RING1: variants seen among roughly 807,000 people sequenced by gnomAD.
The protein encoded by RING1 is E3 ubiquitin-protein ligase RING1.
A neutral mutation model predicts 35.0 loss-of-function variants in RING1; 8 were observed. The ratio of observed to expected loss-of-function variants is 0.23; its 90% CI spans 0.13 to 0.41. The LOEUF is 0.41. Among genes scored for constraint, RING1 ranks in the 10% least tolerant of loss-of-function variants. The pLI is 1.00. For missense variants in RING1, 343 were observed against 546.8 expected (o/e 0.63, Z 3.72); for synonymous variants, 214 against 224.3 (o/e 0.95, Z 0.41).
intron 4 of RING1, 97 bp downstream of exon 4, chr6:33,210,227 A>G: frequency 1.9e-6 from 2 of 1,074,684 alleles, no homozygotes; most frequent in South Asian, 2.7e-5. Context: ...CTAGGAGCTG[A>G]CCACAGACTG....
chr6:33,211,340 TAGGGAC>T lies in RING1; in HGVS notation c.643_648del (p.Thr215_Gly216del). 6.3e-7 allele frequency: 1 copy of T among 1,582,536 alleles called. No homozygotes were observed. The highest frequency in any genetic ancestry group is 8.6e-7 in the Non-Finnish European group (1 of 1,168,588). ...GGAGGGGGCGCAGGGGGGAGCAGTG[TAGGGAC>T]AGGGGGAGGCGGCACTGGTGGGGTG... On this transcript the variant is annotated inframe_deletion, in exon 5 of 7. Coordinates refer to ENST00000374656, the MANE Select transcript of RING1 (RefSeq NM_002931.4). This position sits in a 1 kb window ranked among gnomAD's most constrained non-coding sequence, Gnocchi z 6.3.
Position 33,209,834 on chromosome 6 carries a change from G to C in RING1, c.239+48G>C. ...GATGAGATGAAGGGGTACAAAGTTA[G>C]GGCCCTCTCACTGGTCTTGGTTCAG... On this transcript the variant is annotated intron_variant, in intron 3 of 6. Coordinates refer to ENST00000374656, the MANE Select transcript of RING1 (RefSeq NM_002931.4). This position sits in a 1 kb window ranked among gnomAD's most constrained non-coding sequence, Gnocchi z 5.1. The C allele has an allele frequency of 6.2e-7, 1 of 1,612,354 alleles. No individual in the cohort carries two copies. Among genetic ancestry groups the C allele is most frequent in the East Asian group, 2.2e-5 (1 of 44,862 alleles).
chr6:33,212,073 G>GT (rs1775582154), intron 6 of RING1, 71 bp downstream of exon 6: 3 of 1,250,638 alleles, frequency 2.4e-6, no homozygotes, highest in Admixed American at 5.1e-5. Flanking sequence ...ATAGAACCAT[G>GT]AGCCTGGTCT....
In RING1 at chr6:33,208,844, C is replaced by A; in HGVS notation, c.22C>A (p.Gln8Lys). ...CACCATGACGACGCCGGCGAATGCC[C>A]AGAATGCCAGCAAAACGTGGGAACT... MTTPANA[Q>K]NASKTWELSL... is the part of the protein sequence containing the mutation. The change falls in exon 2 of 7, where the codon CAG becomes AAG. Residue 8 changes from glutamine (Q) to lysine (K), a missense_variant. By Grantham distance (53) the Gln-to-Lys change is moderately conservative. Around this residue, in one of 2 missense-constraint regions of RING1, gnomAD observed 65 missense variants for 163.3 expected, o/e 0.40. Coordinates refer to ENST00000374656, the MANE Select transcript of RING1 (RefSeq NM_002931.4). This position sits in a 1 kb window ranked among gnomAD's most constrained non-coding sequence, Gnocchi z 6.2. The A allele has an allele frequency of 6.2e-7, 1 of 1,608,698 alleles. No homozygotes were observed. Among genetic ancestry groups the A allele is most frequent in the East Asian group, 2.2e-5 (1 of 44,744 alleles).
In RING1 at chr6:33,209,993, G is replaced by C; in HGVS notation, c.318G>C (p.Leu106=). The change falls in exon 4 of 7, where the codon CTG becomes CTC. Residue 106 remains leucine, a synonymous_variant. Transcript: ENST00000374656. This position sits in a 1 kb window ranked among gnomAD's most constrained non-coding sequence, Gnocchi z 5.1. ...SLRPDPNFDA[L]ISKIYPSREE... is the part of the protein sequence containing the mutation. Reference sequence around the variant, plus strand: ...GGCCAGACCCCAACTTTGATGCCCTGATCTCTAAGATCTATCCTAGCCGGG... The same window carrying C: ...GGCCAGACCCCAACTTTGATGCCCTCATCTCTAAGATCTATCCTAGCCGGG... 1.2e-6 allele frequency: 2 copies of C among 1,614,190 alleles called. No individual in the cohort carries two copies. The highest frequency in any genetic ancestry group is 1.3e-5 in the African/African-American group (1 of 75,058).
At position 33,211,878 on chromosome 6, in the gene RING1, G is replaced by C. The variant is rs931697125; in HGVS notation, c.995G>C (p.Cys332Ser). 1.2e-6 allele frequency: 2 copies of C among 1,603,140 alleles called. No homozygotes were observed. Among genetic ancestry groups the C allele is most frequent in the African/African-American group, 1.3e-5 (1 of 74,610 alleles). Reference protein sequence around the residue: ...GASDTGGPDGCGGEGGGAGGG... With the variant: ...GASDTGGPDGSGGEGGGAGGG... ...TCTGACACCGGAGGACCTGATGGGT[G>C]TGGCGGGGAGGGTGGGGGTGCCGGA... Residue 332 changes from cysteine (C) to serine (S), a missense_variant, in exon 6 of 7, where the codon TGT becomes TCT. Physicochemically the swap from Cys to Ser is moderately radical, Grantham distance 112. Coordinates refer to ENST00000374656, the MANE Select transcript of RING1 (RefSeq NM_002931.4). The surrounding 1 kb of genome is among the most constrained non-coding windows in gnomAD (Gnocchi z 6.3).
In RING1 at chr6:33,210,107, G is replaced by T. The variant is rs1775418689; in HGVS notation, c.432G>T (p.Gly144=). ...QQALSSSIEE[G]LRMQAMHRAQ... is the part of the protein sequence containing the mutation. ...CATTGAGCTCCAGCATTGAGGAGGG[G>T]CTACGCATGCAGGCCATGCACAGGT... The change falls in exon 4 of 7, where the codon GGG becomes GGT. Residue 144 remains glycine (G), a synonymous_variant. Transcript: ENST00000374656. 1.9e-6 allele frequency: 3 copies of T among 1,614,018 alleles called. No individual in the cohort carries two copies. Among genetic ancestry groups the T allele is most frequent in the Non-Finnish European group, 2.5e-6 (3 of 1,180,046 alleles).
Position 33,209,154 on chromosome 6 carries a change from C to G in RING1, c.78+254C>G, listed in dbSNP as rs750781868. On this transcript the variant is annotated intron_variant, in intron 2 of 6. Transcript: ENST00000374656. This position sits in a 1 kb window ranked among gnomAD's most constrained non-coding sequence, Gnocchi z 5.1. ...AAACACAAAAATTACCTTCCCTGTT[C>G]CTCATTCAGTGTCATAAGTCAGTGC... is the stretch of plus-strand genomic sequence containing the variant. The G allele has an allele frequency of 2.9e-6, 2 of 689,688 alleles. No individual in the cohort carries two copies. The highest frequency in any genetic ancestry group is 1.5e-5 in the South Asian group (1 of 66,520). The allele number at this position is 689,688 out of a possible 1,614,324, so 42.7% of individuals were successfully genotyped here. A position where few individuals can be genotyped will look rare whatever the true frequency, so the allele number is the denominator to read the frequency against.
Position 33,212,577 on chromosome 6 carries a change from G to A in RING1, c.*178G>A. 2 of 518,530 alleles carry A rather than the reference G, an allele frequency of 3.9e-6. No individual in the cohort carries two copies. The highest frequency in any genetic ancestry group is 6.0e-5 in the East Asian group (2 of 33,306). The allele number at this position is 518,530 out of a possible 1,614,324, so 32.1% of individuals were successfully genotyped here. On this transcript the variant is annotated 3_prime_UTR_variant, in exon 7 of 7. Coordinates refer to ENST00000374656, the MANE Select transcript of RING1 (RefSeq NM_002931.4). ...ATGAGATTCTTCTATATTGTACAGA[G>A]TGGGGCAAAACACGCCCCCATCTGC... is the stretch of plus-strand genomic sequence containing the variant.
At position 33,208,667 on chromosome 6, in the gene RING1, G is replaced by A. The variant is rs1583452215; in HGVS notation, c.-59+23G>A. On this transcript the variant is annotated intron_variant, in intron 1 of 6. Transcript: ENST00000374656. This position sits in a 1 kb window ranked among gnomAD's most constrained non-coding sequence, Gnocchi z 6.2. ...TGGGTGAGGGGCAGTGCCGGCGCGG[G>A]GGCGGGAGCGGGGGCGGAGAGGGGC... The A allele has an allele frequency of 3.3e-6, 2 of 612,440 alleles. No homozygotes were observed. The highest frequency in any genetic ancestry group is 6.1e-5 in the East Asian group (2 of 33,056). 37.9% of individuals were successfully genotyped at this position (612,440 alleles called of 1,614,324 possible). A position where few individuals can be genotyped will look rare whatever the true frequency, so the allele number is the denominator to read the frequency against.
At position 33,212,565 on chromosome 6, in the gene RING1, A is replaced by G. The variant is rs1229876187; in HGVS notation, c.*166A>G. ...CAAAGTATCTATATGAGATTCTTCT[A>G]TATTGTACAGAGTGGGGCAAAACAC... On this transcript the variant is annotated 3_prime_UTR_variant, in exon 7 of 7. Transcript: ENST00000374656. 8.6e-6 allele frequency: 5 copies of G among 583,452 alleles called. No individual in the cohort carries two copies. The highest frequency in any genetic ancestry group is 1.5e-5 in the Non-Finnish European group (5 of 327,152). 36.1% of individuals were successfully genotyped at this position (583,452 alleles called of 1,614,324 possible).
In RING1 at chr6:33,210,006, T is replaced by C. The variant is rs1775413732; in HGVS notation, c.331T>C (p.Tyr111His). The C allele has an allele frequency of 6.2e-7, 1 of 1,614,198 alleles. No homozygotes were observed. The highest frequency in any genetic ancestry group is 8.5e-7 in the Non-Finnish European group (1 of 1,180,038). Residue 111 changes from tyrosine (Y) to histidine (H), a missense_variant, in exon 4 of 7, where the codon TAT becomes CAT. Tyr to His is a moderately conservative substitution (Grantham distance 83, BLOSUM62 2). Coordinates refer to ENST00000374656, the MANE Select transcript of RING1 (RefSeq NM_002931.4). The part of the protein sequence containing the change: ...PNFDALISKI[Y>H]PSREEYEAHQ... Reference sequence around the variant, plus strand: ...CTTTGATGCCCTGATCTCTAAGATCTATCCTAGCCGGGAGGAATACGAGGC... The same window carrying C: ...CTTTGATGCCCTGATCTCTAAGATCCATCCTAGCCGGGAGGAATACGAGGC...
chr6:33,208,670 C>T lies in RING1; in HGVS notation c.-59+26C>T. On this transcript the variant is annotated intron_variant, in intron 1 of 6. Transcript: ENST00000374656. This position sits in a 1 kb window ranked among gnomAD's most constrained non-coding sequence, Gnocchi z 6.2. Reference sequence around the variant, plus strand: ...GTGAGGGGCAGTGCCGGCGCGGGGGCGGGAGCGGGGGCGGAGAGGGGCGCT... The same window carrying T: ...GTGAGGGGCAGTGCCGGCGCGGGGGTGGGAGCGGGGGCGGAGAGGGGCGCT... 2 of 613,286 alleles carry T rather than the reference C, an allele frequency of 3.3e-6. No individual in the cohort carries two copies. Among genetic ancestry groups the T allele is most frequent in the Non-Finnish European group, 2.7e-6 (1 of 365,078 alleles). The allele number at this position is 613,286 out of a possible 1,614,324, so 38.0% of individuals were successfully genotyped here.
rs1172748528 is a variant in RING1, at chr6:33,212,479, C to G, written c.*80C>G. On this transcript the variant is annotated 3_prime_UTR_variant, in exon 7 of 7. Coordinates refer to ENST00000374656, the MANE Select transcript of RING1 (RefSeq NM_002931.4). ...TCTATCACCCCAGCTTCTTTGTCCC[C>G]CAGTACCCCCAGCCCAGCCAGCCAA... The G allele has an allele frequency of 2.3e-6, 2 of 886,406 alleles. No homozygotes were observed. Among genetic ancestry groups the G allele is most frequent in the Non-Finnish European group, 3.6e-6 (2 of 551,902 alleles). The allele number at this position is 886,406 out of a possible 1,614,324, so 54.9% of individuals were successfully genotyped here.
At chr6:33,212,125 C>A (rs944463109) in intron 6 of RING1, 123 bp downstream of exon 6, 5 of 886,586 alleles carry the variant, frequency 5.6e-6, no homozygotes, top group Non-Finnish European at 8.7e-6. Context: ...CTATCTCTTT[C>A]TATGTCCCCT....
chr6:33,208,885 G>A lies in RING1; in HGVS notation c.63G>A (p.Leu21=). 1 of 1,612,380 alleles carries A rather than the reference G, an allele frequency of 6.2e-7. No individual in the cohort carries two copies. The highest frequency in any genetic ancestry group is 8.5e-7 in the Non-Finnish European group (1 of 1,179,722). ...CGTGGGAACTGAGTCTGTATGAGCT[G>A]CACCGGACCCCGCAGGTGACAGGCA... ...SKTWELSLYE[L]HRTPQEAIMD... The change falls in exon 2 of 7, where the codon CTG becomes CTA. Residue 21 remains leucine (L), a synonymous_variant. Transcript: ENST00000374656. The surrounding 1 kb of genome is among the most constrained non-coding windows in gnomAD (Gnocchi z 6.2).
chr6:33,212,118 T>C (rs940492735), intron 6 of RING1, 116 bp downstream of exon 6: 1 of 900,668 alleles, frequency 1.1e-6, no homozygotes, highest in Admixed American at 2.5e-5. Context: ...ACATCCTCTA[T>C]CTCTTTCTAT....
In RING1 at chr6:33,209,081, C is replaced by A; in HGVS notation, c.78+181C>A. 1.4e-6 allele frequency: 1 copy of A among 710,106 alleles called. No homozygotes were observed. Among genetic ancestry groups the A allele is most frequent in the South Asian group, 1.5e-5 (1 of 66,936 alleles). 44.0% of individuals were successfully genotyped at this position (710,106 alleles called of 1,614,324 possible). A position where few individuals can be genotyped will look rare whatever the true frequency, so the allele number is the denominator to read the frequency against. On this transcript the variant is annotated intron_variant, in intron 2 of 6. Transcript: ENST00000374656. The surrounding 1 kb of genome is among the most constrained non-coding windows in gnomAD (Gnocchi z 5.1). Reference sequence around the variant, plus strand: ...AGCTCATTTAATCCTCAAAACAGCCCTGCCAGAGAGGTGGAACAAGTATTA... The same window carrying A: ...AGCTCATTTAATCCTCAAAACAGCCATGCCAGAGAGGTGGAACAAGTATTA...
At position 33,212,467 on chromosome 6, in the gene RING1, C is replaced by T. The variant is rs1403871670; in HGVS notation, c.*68C>T. 1 of 1,054,560 alleles carries T rather than the reference C, an allele frequency of 9.5e-7. No individual in the cohort carries two copies. The highest frequency in any genetic ancestry group is 1.4e-6 in the Non-Finnish European group (1 of 700,350). The allele number at this position is 1,054,560 out of a possible 1,614,324, so 65.3% of individuals were successfully genotyped here. A position where few individuals can be genotyped will look rare whatever the true frequency, so the allele number is the denominator to read the frequency against. ...CCTGTGTCCTGGTCTATCACCCCAG[C>T]TTCTTTGTCCCCCAGTACCCCCAGC... On this transcript the variant is annotated 3_prime_UTR_variant, in exon 7 of 7. Transcript: ENST00000374656.
Sources: allele counts gnomAD v4.1 joint callset, GRCh38; gene constraint gnomAD v4.1.1; regional missense constraint gnomAD v4.1.1; non-coding constraint Gnocchi (gnomAD v3.1); transcripts MANE v1.5; gene names NCBI Gene and HGNC (gene_info 2026-07-23, HGNC 2026-07-21).